DPP6: variants seen among roughly 807,000 people sequenced by gnomAD.
DPP6 encodes A-type potassium channel modulatory protein DPP6.
DPP6 carries 69 observed loss-of-function variants against 122.6 expected under a neutral mutation model. The observed-to-expected ratio is 0.56, with a 90% CI of 0.46 to 0.69. The LOEUF is 0.69. DPP6 is among the 30% of genes least tolerant of loss of function. The probability of loss-of-function intolerance (pLI) is 0.00; values close to 1 mark genes in which losing one functional copy is unlikely to be tolerated. For synonymous variants in DPP6, 418 were observed against 433.1 expected (o/e 0.97, Z 0.43); for missense variants, 928 against 1,116.9 (o/e 0.83, Z 2.41).
intron 1 of DPP6, among the ~76,000 whole-genome samples, chr7:154,006,945 G>T (rs1268893602): frequency 6.6e-6 from 1 of 152,244 alleles, no homozygotes; most frequent in African/African-American, 2.4e-5. Flanking sequence ...AAAGGGGGCT[G>T]AGTTTTTGTC....
intron 1 of DPP6, among the ~76,000 whole-genome samples, chr7:153,922,129 C>T (rs888729148): frequency 2.6e-5 from 4 of 152,154 alleles, no homozygotes; most frequent in African/African-American, 4.8e-5. Context: ...GATGATGACT[C>T]GATGGCAAGG....
chr7:154,720,078 G>A (rs1328684371), intron 7 of DPP6, among the ~76,000 whole-genome samples: 1 of 152,222 alleles, frequency 6.6e-6, no homozygotes, highest in Non-Finnish European at 1.5e-5. Context: ...GGTCTGTGAC[G>A]GAGAGAGATT....
chr7:154,798,779 G>T (rs1356829955), intron 12 of DPP6, among the ~76,000 whole-genome samples: 1 of 152,214 alleles, frequency 6.6e-6, no homozygotes, highest in South Asian at 2.1e-4. Flanking sequence ...AGTTTCTTAT[G>T]ACATTGTTTT....
At chr7:153,749,856 A>G in the DPP6 span, among the ~76,000 whole-genome samples, 1 of 152,162 alleles carries the variant, frequency 6.6e-6, no homozygotes, top group African/African-American at 2.4e-5. The surrounding 1 kb of genome is among the most constrained non-coding windows in gnomAD (Gnocchi z 4.1). Flanking sequence ...ATATTTATAT[A>G]TTTTTTTAAA....
chr7:154,031,309 C>T (rs1799215918), intron 1 of DPP6, among the ~76,000 whole-genome samples: 1 of 148,438 alleles, frequency 6.7e-6, no homozygotes, highest in Admixed American at 6.7e-5. Context: ...ACCTTAGCCC[C>T]AGACCTCTTC....
At chr7:154,594,723 C>T (rs573757053) in intron 5 of DPP6, among the ~76,000 whole-genome samples, 3 of 152,326 alleles carry the variant, frequency 2.0e-5, no homozygotes, top group African/African-American at 4.8e-5. Context: ...CCTACCACAA[C>T]GTTGAACTTA....
At chr7:154,506,009 GTATT>G (rs1364499977) in intron 3 of DPP6, among the ~76,000 whole-genome samples, 1 of 151,870 alleles carries the variant, frequency 6.6e-6, no homozygotes, top group Non-Finnish European at 1.5e-5. Flanking sequence ...TATAAATTAT[GTATT>G]TATTATTTAT....
At chr7:154,001,730 A>T (rs1163737649) in intron 1 of DPP6, among the ~76,000 whole-genome samples, 1 of 151,332 alleles carries the variant, frequency 6.6e-6, no homozygotes, top group Admixed American at 6.6e-5. Flanking sequence ...ATTCCTACAG[A>T]TTGGCTTTGC....
chr7:154,124,168 GTC>G (rs1807710231), intron 1 of DPP6, among the ~76,000 whole-genome samples: 1 of 152,168 alleles, frequency 6.6e-6, no homozygotes, highest in Non-Finnish European at 1.5e-5. Context: ...TTGTTTATTT[GTC>G]TCTCCCACCA....
At chr7:153,968,500 T>C (rs1178329194) in intron 1 of DPP6, among the ~76,000 whole-genome samples, 1 of 151,984 alleles carries the variant, frequency 6.6e-6, no homozygotes, top group Non-Finnish European at 1.5e-5. Flanking sequence ...ATATTTTGGT[T>C]TTTAGCATAT....
intron 1 of DPP6, among the ~76,000 whole-genome samples, chr7:154,348,306 G>A (rs1810566182): frequency 6.6e-6 from 1 of 152,202 alleles, no homozygotes; most frequent in South Asian, 2.1e-4. Flanking sequence ...CTTACTGACA[G>A]TTCAGTTATA....
chr7:154,137,138 A>G (rs1383874233), intron 1 of DPP6, among the ~76,000 whole-genome samples: 1 of 152,230 alleles, frequency 6.6e-6, no homozygotes, highest in Non-Finnish European at 1.5e-5. Flanking sequence ...ATAAATGACC[A>G]TAAAACGTTT....
At chr7:154,099,135 G>A (rs1805549712) in intron 1 of DPP6, among the ~76,000 whole-genome samples, 1 of 152,120 alleles carries the variant, frequency 6.6e-6, no homozygotes, top group South Asian at 2.1e-4. Flanking sequence ...GTAAGGATAG[G>A]GGCTCATATG....
At chr7:154,058,516 C>T (rs1801139235) in intron 1 of DPP6, 1 of 135,088 alleles carries the variant, frequency 7.4e-6, no homozygotes, top group South Asian at 2.5e-4. Context: ...GGACTGAGAG[C>T]CAACCCCTGG....
chr7:154,232,368 T>A (rs924193857), intron 1 of DPP6, among the ~76,000 whole-genome samples: 1 of 152,132 alleles, frequency 6.6e-6, no homozygotes, highest in African/African-American at 2.4e-5. Flanking sequence ...ACTTCTCCTC[T>A]GGAGTGATCA....
chr7:154,006,682 C>A (rs537782412), intron 1 of DPP6, among the ~76,000 whole-genome samples: 329 of 152,262 alleles, frequency 2.2e-3, no homozygotes, highest in African/African-American at 7.1e-3. Context: ...CACCAGAAAA[C>A]CGAGGCTATG....
At chr7:154,077,824 C>T (rs1438683892) in intron 1 of DPP6, among the ~76,000 whole-genome samples, 2 of 151,864 alleles carry the variant, frequency 1.3e-5, no homozygotes, top group East Asian at 1.9e-4. Flanking sequence ...GCACGCATCA[C>T]CATGCCCAGC....
In DPP6 at chr7:154,324,461, C is replaced by T. The variant is rs956938324; in HGVS notation, c.244-121753C>T. Among the ~76,000 whole-genome samples the T allele has an allele frequency of 8.5e-5, 13 of 152,304 alleles. 1 individual carries two copies. The South Asian group carries it at 2.1e-3, about 24-fold the overall frequency. On this transcript the variant is annotated intron_variant, in intron 1 of 25. Transcript: ENST00000377770. Reference sequence around the variant, plus strand: ...TGGGGCCCGTATCAGAACCCAAAACCTAGCCTCAGCTTGACTTCTTCCTCT... The same window carrying T: ...TGGGGCCCGTATCAGAACCCAAAACTTAGCCTCAGCTTGACTTCTTCCTCT...
chr7:154,090,945 C>G (rs916077836), intron 1 of DPP6, among the ~76,000 whole-genome samples: 6 of 148,810 alleles, frequency 4.0e-5, no homozygotes, highest in African/African-American at 7.5e-5. Context: ...ACAGTGAAAC[C>G]CCGTCTCTAC....
Sources: allele counts gnomAD v4.1 joint callset (sites outside exome capture counted in the v4.1 genomes callset), GRCh38; gene constraint gnomAD v4.1.1; non-coding constraint Gnocchi (gnomAD v3.1); transcripts MANE v1.5; gene names NCBI Gene and HGNC (gene_info 2026-07-23, HGNC 2026-07-21).